The following HMMR variants were observed in gnomAD, a reference collection of about 807,000 sequenced individuals.
The protein encoded by HMMR is intracellular hyaluronic acid-binding protein.
HMMR carries 108 observed loss-of-function variants against 101.0 expected under a neutral mutation model. The ratio of observed to expected loss-of-function variants is 1.07; its 90% CI spans 0.92 to 1.25. The LOEUF (loss-of-function observed/expected upper bound fraction) is 1.25, where lower values mean the gene tolerates loss of function less well. Among genes scored for constraint, HMMR ranks in the 50% most tolerant of loss-of-function variants. The pLI is 0.00. For synonymous variants in HMMR, 296 were observed against 276.4 expected, an observed-to-expected ratio of 1.07 and a Z score of -0.70; for missense variants, 813 against 788.7, an observed-to-expected ratio of 1.03 and a Z score of -0.37.
intron 3 of HMMR, among the ~76,000 whole-genome samples, chr5:163,465,963 CA>C (rs113595179): frequency 0.058 from 4,961 of 85,520 alleles, 269 homozygotes; most frequent in African/African-American, 0.17. Context: ...TCAGTCTCTC[CA>C]AAAAAAAAAA....
Position 163,467,720 on chromosome 5 carries a change from A to G in HMMR, c.245A>G (p.Asp82Gly), listed in dbSNP as rs1416831892. The G allele has an allele frequency of 6.5e-7, 1 of 1,534,796 alleles. No individual in the cohort carries two copies. The highest frequency in any genetic ancestry group is 1.7e-5 in the Admixed American group (1 of 58,868). ...AAACAGAAGGAATCTCAAAAGAATGATAAAGATTTGAAGATATTAGAGAAA... is the reference window on the plus strand; with the variant it reads ...AAACAGAAGGAATCTCAAAAGAATGGTAAAGATTTGAAGATATTAGAGAAA... ...SESKKESQKNDKDLKILEKEI... is the reference protein window; with the variant it reads ...SESKKESQKNGKDLKILEKEI... The change falls in exon 4 of 18, where the codon GAT (aspartate) becomes GGT (glycine). Residue 82 changes from aspartate to glycine, a missense_variant. Asp to Gly is a moderately conservative substitution (Grantham distance 94). Transcript: ENST00000393915.
chr5:163,471,102 GGT>G, intron 5 of HMMR, 81 bp from the exon 6 acceptor site: 1 of 826,998 alleles, frequency 1.2e-6, no homozygotes, highest in South Asian at 1.7e-5. Context: ...CCCAGTGATA[GGT>G]AGAAAAATCA....
At chr5:163,474,496 C>T (rs750300241) in intron 10 of HMMR, 1 of 475,336 alleles carries the variant, frequency 2.1e-6, no homozygotes, top group South Asian at 1.6e-5. Context: ...TAAACATTTA[C>T]ACTTACCTTG....
At chr5:163,464,530 C>T (rs1258854534) in intron 2 of HMMR, among the ~76,000 whole-genome samples, 193 bp from the exon 3 acceptor site, 1 of 152,104 alleles carries the variant, frequency 6.6e-6, no homozygotes, top group African/African-American at 2.4e-5. Context: ...GGGAGAGTTG[C>T]TTGAAACTGG....
At chr5:163,478,525 C>T (rs1031090214) in intron 11 of HMMR, among the ~76,000 whole-genome samples, 159 bp from the exon 12 acceptor site, 3 of 152,094 alleles carry the variant, frequency 2.0e-5, no homozygotes, top group Non-Finnish European at 2.9e-5. Flanking sequence ...AACATGCTTT[C>T]GAGGTAAGTC....
chr5:163,460,821 A>C (rs750365803), intron 1 of HMMR, 83 bp downstream of exon 1: 1 of 1,275,788 alleles, frequency 7.8e-7, no homozygotes, highest in Non-Finnish European at 1.1e-6. Context: ...GGAGGCAAGC[A>C]GGAGGCGATT....
intron 4 of HMMR, 96 bp downstream of exon 4, chr5:163,467,844 C>G: frequency 1.3e-6 from 1 of 743,296 alleles, no homozygotes; most frequent in South Asian, 1.6e-5. Flanking sequence ...GTGAGGAGTC[C>G]TGCAGTGAGG....
chr5:163,474,016 C>G (rs982207825), intron 9 of HMMR, 41 bp from the exon 10 acceptor site: 1 of 1,543,882 alleles, frequency 6.5e-7, no homozygotes, highest in Non-Finnish European at 8.9e-7. Flanking sequence ...TCTTAATGTT[C>G]TTATCTAATT....
intron 1 of HMMR, 132 bp from the exon 2 acceptor site, chr5:163,463,724 C>T (rs946067701): frequency 2.3e-6 from 1 of 430,386 alleles, no homozygotes; most frequent in East Asian, 3.7e-5. Flanking sequence ...CAAATGGATG[C>T]AATTTTTTAC....
intron 3 of HMMR, 32 bp downstream of exon 3, chr5:163,464,834 C>T: frequency 7.6e-7 from 1 of 1,316,050 alleles, no homozygotes; most frequent in Non-Finnish European, 1.1e-6. Flanking sequence ...GCTGGTTTAT[C>T]AAGTGTATCA....
intron 3 of HMMR, among the ~76,000 whole-genome samples, chr5:163,467,121 G>C (rs1758730496): frequency 6.6e-6 from 1 of 152,138 alleles, no homozygotes; most frequent in Non-Finnish European, 1.5e-5. Flanking sequence ...TTTCATTCAA[G>C]ATGTTGATGC....
intron 2 of HMMR, 34 bp from the exon 3 acceptor site, chr5:163,464,689 T>A: frequency 7.3e-7 from 1 of 1,372,244 alleles, no homozygotes; most frequent in Non-Finnish European, 1.0e-6. Context: ...CACATTGACA[T>A]CAACCATGAT....
chr5:163,486,511 T>C (rs1410410056), intron 16 of HMMR, among the ~76,000 whole-genome samples: 1 of 152,206 alleles, frequency 6.6e-6, no homozygotes, highest in African/African-American at 2.4e-5. Context: ...TTAGTTCTAA[T>C]AGTTTTTTAG....
At chr5:163,485,827 T>C (rs1415157722) in intron 16 of HMMR, among the ~76,000 whole-genome samples, 2 of 152,212 alleles carry the variant, frequency 1.3e-5, no homozygotes, top group African/African-American at 4.8e-5. Flanking sequence ...TTTTTGTATG[T>C]GGTGTGAGGT....
At chr5:163,476,540 T>G (rs1759075524) in intron 11 of HMMR, among the ~76,000 whole-genome samples, 2 of 152,048 alleles carry the variant, frequency 1.3e-5, no homozygotes, top group Admixed American at 1.3e-4. Flanking sequence ...GAGGCTGAGA[T>G]GGGAGGATCT....
chr5:163,489,263 A>T (rs1443508593), intron 16 of HMMR: 2 of 152,318 alleles, frequency 1.3e-5, no homozygotes, highest in Non-Finnish European at 2.9e-5. Flanking sequence ...CCTGCTCTGC[A>T]GCCGGGTTCC....
intron 3 of HMMR, among the ~76,000 whole-genome samples, chr5:163,465,985 C>T (rs1333609338): frequency 2.1e-5 from 3 of 141,502 alleles, no homozygotes; most frequent in Non-Finnish European, 3.0e-5. Flanking sequence ...AAAAGACAGC[C>T]GGGCACAGTA....
intron 12 of HMMR, among the ~76,000 whole-genome samples, chr5:163,482,073 G>T (rs775708494): frequency 3.3e-5 from 5 of 152,016 alleles, no homozygotes; most frequent in Non-Finnish European, 7.4e-5. Flanking sequence ...CCACCACCAC[G>T]CTTGGCTAAT....
intron 1 of HMMR, among the ~76,000 whole-genome samples, chr5:163,462,793 A>G (rs565405422): frequency 7.1e-6 from 1 of 141,178 alleles, no homozygotes; most frequent in East Asian, 2.1e-4. Context: ...GCGCCACTAC[A>G]CTCCAGCCTA....
Sources: allele counts gnomAD v4.1 joint callset (sites outside exome capture counted in the v4.1 genomes callset), GRCh38; gene constraint gnomAD v4.1.1; transcripts MANE v1.5; gene names NCBI Gene and HGNC (gene_info 2026-07-23, HGNC 2026-07-21).